SLC27A6: variants seen among roughly 807,000 people sequenced by gnomAD.
The protein encoded by SLC27A6 is solute carrier family 27 member 6, also known as long-chain fatty acid transport protein 6.
SLC27A6 carries 74 observed loss-of-function variants against 63.9 expected under a neutral mutation model. That is an observed-to-expected ratio of 1.16 (90% CI 0.96 to 1.40). The LOEUF (loss-of-function observed/expected upper bound fraction) is 1.40. SLC27A6 is among the 40% of genes most tolerant of loss of function. The pLI is 0.00. For missense variants in SLC27A6, 794 were observed against 732.9 expected (o/e 1.08, Z -0.96); for synonymous variants, 287 against 260.8 (o/e 1.10, Z -0.97).
chr5:128,972,284 A>G (rs1307778642), intron 1 of SLC27A6, among the ~76,000 whole-genome samples: 2 of 151,964 alleles, frequency 1.3e-5, no homozygotes, highest in Non-Finnish European at 2.9e-5. Context: ...CGTTGTCTGT[A>G]TTTCCTGAAT....
chr5:128,972,143 G>T (rs568079245), intron 1 of SLC27A6, among the ~76,000 whole-genome samples: 1 of 152,282 alleles, frequency 6.6e-6, no homozygotes, highest in South Asian at 2.1e-4. Flanking sequence ...CTGTTAGTCT[G>T]ATGGGCTTCC....
intron 4 of SLC27A6, among the ~76,000 whole-genome samples, chr5:129,012,655 A>G (rs1751762622): frequency 6.6e-6 from 1 of 152,086 alleles, no homozygotes; most frequent in African/African-American, 2.4e-5. Context: ...TGCTATCCAT[A>G]CAGTGAATTG....
At chr5:129,009,976 G>A (rs968703182) in intron 4 of SLC27A6, among the ~76,000 whole-genome samples, 1 of 152,018 alleles carries the variant, frequency 6.6e-6, no homozygotes, top group Non-Finnish European at 1.5e-5. Flanking sequence ...TGCACCTGGC[G>A]CTAACATTTC....
At position 128,966,374 on chromosome 5, in the gene SLC27A6, C is replaced by T. The variant is rs757778824; in HGVS notation, c.237C>T (p.Ile79=). ...CTTTCATCATCTATGAGGGAGACATCTACACCTATCAGGATGTAGACAAAA... is the reference window on the plus strand; with the variant it reads ...CTTTCATCATCTATGAGGGAGACATTTACACCTATCAGGATGTAGACAAAA... The part of the protein sequence containing the change: ...RKPFIIYEGD[I]YTYQDVDKRS... Residue 79 remains isoleucine, a synonymous_variant, in exon 1 of 10, where the codon ATC becomes ATT. Coordinates refer to ENST00000262462, the MANE Select transcript of SLC27A6 (RefSeq NM_001017372.3). 1.2e-6 allele frequency: 2 copies of T among 1,613,786 alleles called. No homozygotes were observed. The highest frequency in any genetic ancestry group is 1.7e-6 in the Non-Finnish European group (2 of 1,179,938).
At chr5:128,979,938 A>G (rs961549294) in intron 1 of SLC27A6, among the ~76,000 whole-genome samples, 25 of 152,276 alleles carry the variant, frequency 1.6e-4, no homozygotes, top group Admixed American at 1.6e-3. Context: ...GAACTTTGCT[A>G]TGTTAAGTGA....
chr5:128,975,550 G>T (rs1329754996), intron 1 of SLC27A6, among the ~76,000 whole-genome samples: 1 of 152,138 alleles, frequency 6.6e-6, no homozygotes, highest in Non-Finnish European at 1.5e-5. Context: ...GAACACAATG[G>T]TGGTAAGTAT....
intron 4 of SLC27A6, among the ~76,000 whole-genome samples, chr5:128,995,960 A>G (rs1286833255): frequency 2.0e-5 from 3 of 152,198 alleles, no homozygotes; most frequent in Admixed American, 6.6e-5. Context: ...TTTTTGGTTC[A>G]AACATGTAGG....
At chr5:129,000,311 C>G (rs1267879035) in intron 4 of SLC27A6, among the ~76,000 whole-genome samples, 2 of 152,180 alleles carry the variant, frequency 1.3e-5, no homozygotes, top group African/African-American at 2.4e-5. Flanking sequence ...CTTCCCTCCA[C>G]TATTGCATAA....
At chr5:128,969,426 C>G (rs1753327236) in intron 1 of SLC27A6, among the ~76,000 whole-genome samples, 1 of 152,090 alleles carries the variant, frequency 6.6e-6, no homozygotes, top group Non-Finnish European at 1.5e-5. Flanking sequence ...TGTTTGTGTC[C>G]TCTTTTTATT....
intron 1 of SLC27A6, among the ~76,000 whole-genome samples, chr5:128,971,111 T>C (rs774683592): frequency 6.6e-6 from 1 of 152,224 alleles, no homozygotes; most frequent in Non-Finnish European, 1.5e-5. Flanking sequence ...GGTTGCACTA[T>C]GGGCTGAGAG....
intron 4 of SLC27A6, among the ~76,000 whole-genome samples, chr5:128,995,786 G>A (rs1751137895): frequency 6.6e-6 from 1 of 152,276 alleles, no homozygotes; most frequent in Admixed American, 6.5e-5. Flanking sequence ...AATCTTGGAG[G>A]AGAAACTTGG....
intron 4 of SLC27A6, among the ~76,000 whole-genome samples, chr5:129,009,727 T>C (rs1751664525): frequency 6.6e-6 from 1 of 151,978 alleles, no homozygotes; most frequent in African/African-American, 2.4e-5. Context: ...CCGGCTGGAG[T>C]GCAGTGGCGC....
intron 5 of SLC27A6, among the ~76,000 whole-genome samples, chr5:129,018,472 T>A (rs1751977717): frequency 6.6e-6 from 1 of 152,082 alleles, no homozygotes; most frequent in African/African-American, 2.4e-5. Flanking sequence ...TGCAAACTAT[T>A]TTTATAATGC....
intron 5 of SLC27A6, among the ~76,000 whole-genome samples, chr5:129,016,694 C>T (rs193205945): frequency 2.6e-5 from 4 of 151,940 alleles, no homozygotes; most frequent in East Asian, 1.9e-4. Flanking sequence ...TGACTCTTTC[C>T]GTATATATTA....
chr5:128,977,290 A>G (rs996341560), intron 1 of SLC27A6, among the ~76,000 whole-genome samples: 7 of 152,174 alleles, frequency 4.6e-5, no homozygotes, highest in African/African-American at 7.2e-5. Context: ...AGAGTTTACA[A>G]CCTAGTTCTT....
At chr5:128,993,103 A>G (rs1208946309) in intron 4 of SLC27A6, among the ~76,000 whole-genome samples, 3 of 152,262 alleles carry the variant, frequency 2.0e-5, no homozygotes, top group African/African-American at 4.8e-5. Context: ...TATAGAAAAT[A>G]TTTCTAAATT....
Position 129,027,120 on chromosome 5 carries a change from T to G in SLC27A6, c.1256-13T>G. The G allele has an allele frequency of 6.2e-7, 1 of 1,610,494 alleles. No individual in the cohort carries two copies. The highest frequency in any genetic ancestry group is 8.5e-7 in the Non-Finnish European group (1 of 1,177,090). On this transcript the variant is annotated splice_polypyrimidine_tract_variant and intron_variant, in intron 6 of 9. Transcript: ENST00000262462. ...TAATCAGATGGCTGCAAAAATGTCG[T>G]TCTTTCTTGCAGGAGAACCTGGACT...
At chr5:128,980,795 A>G (rs187138767) in intron 1 of SLC27A6, among the ~76,000 whole-genome samples, 1 of 152,360 alleles carries the variant, frequency 6.6e-6, no homozygotes, top group African/African-American at 2.4e-5. Flanking sequence ...TTACCAATGT[A>G]TTAACAACCA....
At position 129,029,580 on chromosome 5, in the gene SLC27A6, A is replaced by T. The variant is rs574800798; in HGVS notation, c.1556A>T (p.Tyr519Phe). The T allele has an allele frequency of 2.5e-5, 39 of 1,566,798 alleles. No homozygotes were observed. In the South Asian group the frequency reaches 4.5e-4, roughly 18 times the overall value. ...TCTATTTCAAACTTTTTTTCAGGTT[A>T]TGAAGGAAGAGCAGGAATGGCTTCT... ...ANVYGVAISG[Y>F]EGRAGMASII... is the part of the protein sequence containing the mutation. The change falls in exon 9 of 10, where the codon TAT becomes TTT. Residue 519 changes from tyrosine (Y) to phenylalanine (F), a missense_variant. Tyr to Phe is a conservative substitution (Grantham distance 22). Transcript: ENST00000262462.
Sources: gnomAD v4.1 joint callset for allele counts (sites outside exome capture counted in the v4.1 genomes callset) on GRCh38, gnomAD v4.1.1 for gene constraint, MANE v1.5 for transcripts, NCBI Gene and HGNC (gene_info 2026-07-23, HGNC 2026-07-21) for gene names.